Variants in PDZRN4 observed in about 807,000 individuals in gnomAD.
PDZRN4 encodes PDZ domain containing ring finger 4.
Under a neutral mutation model 99.0 loss-of-function variants are expected in PDZRN4, and 70 were observed. The ratio of observed to expected loss-of-function variants is 0.71; its 90% CI spans 0.58 to 0.86. The LOEUF is 0.86. PDZRN4 is among the 40% of genes least tolerant of loss of function. The probability of loss-of-function intolerance (pLI) is 0.00; values close to 1 mark genes in which losing one functional copy is unlikely to be tolerated. For missense variants in PDZRN4, 1,474 were observed against 1,331.2 expected (o/e 1.11, Z -1.67); for synonymous variants, 551 against 501.6 (o/e 1.10, Z -1.32).
intron 3 of PDZRN4, among the ~76,000 whole-genome samples, chr12:41,390,278 A>G (rs563933237): frequency 4.6e-5 from 7 of 152,272 alleles, no homozygotes; most frequent in African/African-American, 1.7e-4. Flanking sequence ...ATAAAAAACA[A>G]CTTTTTATGT....
chr12:41,537,015 C>G (rs770355901), intron 5 of PDZRN4, among the ~76,000 whole-genome samples: 3 of 152,114 alleles, frequency 2.0e-5, no homozygotes, highest in Non-Finnish European at 4.4e-5. Context: ...TTATTTTCCA[C>G]AAAAAGACTC....
intron 3 of PDZRN4, among the ~76,000 whole-genome samples, chr12:41,371,981 T>A (rs1159443446): frequency 6.6e-6 from 1 of 152,158 alleles, no homozygotes; most frequent in Non-Finnish European, 1.5e-5. Flanking sequence ...ATACTCCTAC[T>A]AGATGTCAGC....
chr12:41,244,335 C>G (rs1281031402), intron 3 of PDZRN4, among the ~76,000 whole-genome samples: 1 of 152,204 alleles, frequency 6.6e-6, no homozygotes, highest in African/African-American at 2.4e-5. Flanking sequence ...CTCCCTTCCT[C>G]TTTTGTGCCA....
chr12:41,548,801 A>G (rs969756812), intron 5 of PDZRN4, among the ~76,000 whole-genome samples: 5 of 152,154 alleles, frequency 3.3e-5, no homozygotes, highest in African/African-American at 1.2e-4. Context: ...AAAAAAATAT[A>G]AAAATTTCAC....
chr12:41,328,498 A>C (rs983346972), intron 3 of PDZRN4, among the ~76,000 whole-genome samples: 37 of 152,310 alleles, frequency 2.4e-4, no homozygotes, highest in Non-Finnish European at 7.4e-5. Context: ...AAGCCTGGGC[A>C]GCAGAGTGAT....
intron 5 of PDZRN4, among the ~76,000 whole-genome samples, chr12:41,539,143 A>C (rs1279364283): frequency 6.6e-6 from 1 of 151,776 alleles, no homozygotes; most frequent in Non-Finnish European, 1.5e-5. Context: ...ATTTTGTGGG[A>C]GCTCCTCTAA....
chr12:41,226,433 A>C (rs1950995494), intron 3 of PDZRN4, among the ~76,000 whole-genome samples: 2 of 152,042 alleles, frequency 1.3e-5, no homozygotes. Flanking sequence ...ACTGCAAAGA[A>C]CTCCAGAGCC....
intron 5 of PDZRN4, among the ~76,000 whole-genome samples, chr12:41,550,904 A>G (rs1179265813): frequency 6.6e-6 from 1 of 152,182 alleles, no homozygotes; most frequent in African/African-American, 2.4e-5. Context: ...ACAAAATTGA[A>G]AAGGAGGATA....
chr12:41,329,586 T>C (rs1951730536), intron 3 of PDZRN4, among the ~76,000 whole-genome samples: 1 of 152,118 alleles, frequency 6.6e-6, no homozygotes, highest in Non-Finnish European at 1.5e-5. Context: ...CTGTTGTCAT[T>C]TTTGGTGTGA....
In PDZRN4 at chr12:41,343,912, T is replaced by C. The variant is rs184928297; in HGVS notation, c.843+149724T>C. 1.5e-3 allele frequency among the ~76,000 whole-genome samples: 231 copies of C among 152,214 alleles called. 1 individual carries two copies. The highest frequency in any genetic ancestry group is 5.2e-3 in the African/African-American group (216 of 41,578). Reference sequence around the variant, plus strand: ...AAGTTAAAAAAAGCATTTCAATTTATGTAAAGATATCAAAGATTTCTGGCA... The same window carrying C: ...AAGTTAAAAAAAGCATTTCAATTTACGTAAAGATATCAAAGATTTCTGGCA... On this transcript the variant is annotated intron_variant, in intron 3 of 9. Coordinates refer to ENST00000402685, the MANE Select transcript of PDZRN4 (RefSeq NM_001164595.2).
At chr12:41,236,711 T>G (rs1269356991) in intron 3 of PDZRN4, among the ~76,000 whole-genome samples, 1 of 152,124 alleles carries the variant, frequency 6.6e-6, no homozygotes, top group Non-Finnish European at 1.5e-5. Context: ...TGTTTCTTTT[T>G]GCCAATATGG....
At position 41,221,375 on chromosome 12, in the gene PDZRN4, A is replaced by G. The variant is rs1460702346; in HGVS notation, c.843+27187A>G. 2.6e-5 allele frequency among the ~76,000 whole-genome samples: 4 copies of G among 152,158 alleles called. No homozygotes were observed. In the South Asian group the frequency reaches 6.2e-4, roughly 24 times the overall value. ...ATCAACTTATATGAGGCACATGGGG[A>G]AGAGAAAGCTGATAACCAAGGCTGA... On this transcript the variant is annotated intron_variant, in intron 3 of 9. Transcript: ENST00000402685.
chr12:41,459,248 T>A (rs575823829), intron 3 of PDZRN4, among the ~76,000 whole-genome samples: 8 of 152,242 alleles, frequency 5.3e-5, no homozygotes, highest in Non-Finnish European at 1.0e-4. Flanking sequence ...TCTGACCTTT[T>A]ATACCAACAT....
At chr12:41,304,214 C>T (rs1256542606) in intron 3 of PDZRN4, among the ~76,000 whole-genome samples, 1 of 152,140 alleles carries the variant, frequency 6.6e-6, no homozygotes, top group African/African-American at 2.4e-5. Flanking sequence ...TCCTATATGT[C>T]ATATGCTTTA....
At chr12:41,451,207 G>C (rs1396131164) in intron 3 of PDZRN4, among the ~76,000 whole-genome samples, 2 of 150,848 alleles carry the variant, frequency 1.3e-5, no homozygotes, top group Non-Finnish European at 2.9e-5. Context: ...ATCTCCTCCT[G>C]AATTGGCATA....
chr12:41,225,449 A>G (rs1444012915), intron 3 of PDZRN4, among the ~76,000 whole-genome samples: 1 of 149,802 alleles, frequency 6.7e-6, no homozygotes, highest in South Asian at 2.1e-4. Flanking sequence ...TTTTTTTCTG[A>G]TGTCATCTGT....
At chr12:41,408,912 A>T (rs1952370494) in intron 3 of PDZRN4, among the ~76,000 whole-genome samples, 1 of 151,706 alleles carries the variant, frequency 6.6e-6, no homozygotes, top group Non-Finnish European at 1.5e-5. Context: ...CATTTTTATT[A>T]TTAATGCTTG....
intron 3 of PDZRN4, among the ~76,000 whole-genome samples, chr12:41,310,930 A>G (rs1468831245): frequency 1.3e-5 from 2 of 152,124 alleles, no homozygotes; most frequent in Non-Finnish European, 2.9e-5. Flanking sequence ...GTTAAATCTC[A>G]TGAGCATATG....
chr12:41,400,871 C>T (rs1433655552), intron 3 of PDZRN4, among the ~76,000 whole-genome samples: 1 of 152,058 alleles, frequency 6.6e-6, no homozygotes, highest in African/African-American at 2.4e-5. Flanking sequence ...CAAAATTAGC[C>T]CTCCTTTGCT....
Sources: gnomAD v4.1 joint callset for allele counts (sites outside exome capture counted in the v4.1 genomes callset) on GRCh38, gnomAD v4.1.1 for gene constraint, MANE v1.5 for transcripts, NCBI Gene and HGNC (gene_info 2026-07-23, HGNC 2026-07-21) for gene names.